Variants in OR1K1 observed in about 807,000 individuals in gnomAD.
The protein encoded by OR1K1 is olfactory receptor family 1 subfamily K member 1.
For synonymous variants in OR1K1, 168 were observed against 178.2 expected (o/e 0.94, Z 0.46); for missense variants, 409 against 407.9 (o/e 1.00, Z -0.02).
rs975158103 is a variant in OR1K1, at chr9:122,800,767, C to G, written c.645C>G (p.Ile215Met). ...AAVVVTPFLL[I>M]LASYGAIAAA... ...TGGTGGTCACTCCCTTCCTGCTCAT[C>G]CTCGCCTCCTATGGGGCCATCGCAG... Residue 215 changes from isoleucine to methionine, a missense_variant, in exon 1 of 1, where the codon ATC becomes ATG. Coordinates refer to ENST00000277309, the MANE Select transcript of OR1K1 (RefSeq NM_080859.1). The G allele has an allele frequency of 2.5e-6, 4 of 1,613,896 alleles. No homozygotes were observed. The African/African-American group carries it at 4.0e-5, about 16-fold the overall frequency.
Position 122,800,321 on chromosome 9 carries a change from C to G in OR1K1, c.199C>G (p.Leu67Val). 2 of 1,614,206 alleles carry G rather than the reference C, an allele frequency of 1.2e-6. No individual in the cohort carries two copies. The highest frequency in any genetic ancestry group is 1.7e-6 in the Non-Finnish European group (2 of 1,180,020). ...ACCCATGTACTTCCTGCTGGCCCACCTGTCCTTTGCTGACCTCTGCTTCGC... is the reference window on the plus strand; with the variant it reads ...ACCCATGTACTTCCTGCTGGCCCACGTGTCCTTTGCTGACCTCTGCTTCGC... ...HAPMYFLLAH[L>V]SFADLCFASV... Residue 67 changes from leucine to valine, a missense_variant, in exon 1 of 1, where the codon CTG (leucine) becomes GTG (valine). Coordinates refer to ENST00000277309, the MANE Select transcript of OR1K1 (RefSeq NM_080859.1).
rs775746241 is a variant in OR1K1, at chr9:122,800,404, G to A, written c.282G>A (p.Ser94=). The part of the protein sequence containing the change: ...ANLLAHDHSI[S]LAGCLTQMYF... Reference sequence around the variant, plus strand: ...TGTTGGCCCATGACCACTCCATCTCGCTGGCTGGCTGCCTGACCCAAATGT... The same window carrying A: ...TGTTGGCCCATGACCACTCCATCTCACTGGCTGGCTGCCTGACCCAAATGT... Residue 94 remains serine, a synonymous_variant, in exon 1 of 1, where the codon TCG becomes TCA. Transcript: ENST00000277309. 12 of 1,613,534 alleles carry A rather than the reference G, an allele frequency of 7.4e-6. No homozygotes were observed. The highest frequency in any genetic ancestry group is 3.3e-5 in the Admixed American group (2 of 60,002).
Position 122,800,756 on chromosome 9 carries a change from T to C in OR1K1, c.634T>C (p.Phe212Leu), listed in dbSNP as rs377064051. The change falls in exon 1 of 1, where the codon TTC (phenylalanine) becomes CTC (leucine). Residue 212 changes from phenylalanine (F) to leucine (L), a missense_variant. Coordinates refer to ENST00000277309, the MANE Select transcript of OR1K1 (RefSeq NM_080859.1). ...TEGAAVVVTP[F>L]LLILASYGAI... is the part of the protein sequence containing the mutation. ...GGGCGCCGCAGTGGTGGTCACTCCC[T>C]TCCTGCTCATCCTCGCCTCCTATGG... The C allele has an allele frequency of 6.2e-7, 1 of 1,613,960 alleles. No homozygotes were observed. Among genetic ancestry groups the C allele is most frequent in the African/African-American group, 1.3e-5 (1 of 74,940 alleles).
rs755294878 is a variant in OR1K1, at chr9:122,800,555, C to G, written c.433C>G (p.Leu145Val). ...TRMSRAMCAA[L>V]VGMAWLVSHV... ...GATGTCCCGGGCCATGTGCGCAGCC[C>G]TGGTGGGAATGGCATGGCTGGTGTC... is the stretch of plus-strand genomic sequence containing the variant. Residue 145 changes from leucine to valine, a missense_variant, in exon 1 of 1, where the codon CTG becomes GTG. Physicochemically the swap from Leu to Val is conservative, Grantham distance 32. Transcript: ENST00000277309. The G allele has an allele frequency of 3.1e-6, 5 of 1,613,338 alleles. No homozygotes were observed. The East Asian group carries it at 6.7e-5, about 22-fold the overall frequency.
chr9:122,800,629 C>A lies in OR1K1; in HGVS notation c.507C>A (p.Phe169Leu). ...LYILLMARLS[F>L]CASHQVPHFF... ...TCCTGCTCATGGCTCGCTTGTCCTT[C>A]TGTGCTTCCCACCAAGTGCCCCACT... The change falls in exon 1 of 1, where the codon TTC becomes TTA. Residue 169 changes from phenylalanine to leucine, a missense_variant. By Grantham distance (22) the Phe-to-Leu change is conservative. Transcript: ENST00000277309. 1 of 1,614,042 alleles carries A rather than the reference C, an allele frequency of 6.2e-7. No individual in the cohort carries two copies. Among genetic ancestry groups the A allele is most frequent in the Non-Finnish European group, 8.5e-7 (1 of 1,180,040 alleles).
In OR1K1 at chr9:122,800,688, C is replaced by T. The variant is rs1191466443; in HGVS notation, c.566C>T (p.Ser189Leu). 10 of 1,614,150 alleles carry T rather than the reference C, an allele frequency of 6.2e-6. No individual in the cohort carries two copies. The highest frequency in any genetic ancestry group is 7.6e-6 in the Non-Finnish European group (9 of 1,180,044). Residue 189 changes from serine (S) to leucine (L), a missense_variant, in exon 1 of 1, where the codon TCG becomes TTG. Coordinates refer to ENST00000277309, the MANE Select transcript of OR1K1 (RefSeq NM_080859.1). ...FCDHQPLLRL[S>L]CSDTHHIQLL... is the part of the protein sequence containing the mutation. ...GACCACCAGCCTCTCTTAAGGCTCT[C>T]GTGCTCTGACACCCACCACATCCAG... is the stretch of plus-strand genomic sequence containing the variant.
rs748979398 is a variant in OR1K1 at position 122,800,182 on chromosome 9, A to G, written c.60A>G (p.Thr20=). The change falls in exon 1 of 1, where the codon ACA becomes ACG. Residue 20 remains threonine, a synonymous_variant. Coordinates refer to ENST00000277309, the MANE Select transcript of OR1K1 (RefSeq NM_080859.1). The part of the protein sequence containing the change: ...GISFVLLGLT[T]SPGQQRPLFV... ...CATTCGTTTTATTGGGACTGACAACAAGTCCTGGACAGCAGCGGCCTCTCT... is the reference window on the plus strand; with the variant it reads ...CATTCGTTTTATTGGGACTGACAACGAGTCCTGGACAGCAGCGGCCTCTCT... 5 of 1,614,064 alleles carry G rather than the reference A, an allele frequency of 3.1e-6. 1 individual carries two copies. The Admixed American group carries it at 8.3e-5, about 27-fold the overall frequency.
At position 122,800,845 on chromosome 9, in the gene OR1K1, C is replaced by T. The variant is rs369944148; in HGVS notation, c.723C>T (p.Thr241=). 1 of 1,613,674 alleles carries T rather than the reference C, an allele frequency of 6.2e-7. No homozygotes were observed. Among genetic ancestry groups the T allele is most frequent in the Non-Finnish European group, 8.5e-7 (1 of 1,179,880 alleles). The part of the protein sequence containing the change: ...SASGRLRAVS[T]CGSHLAVVSL... ...CTGGGAGGCTCCGGGCTGTGTCCAC[C>T]TGTGGCTCCCACCTGGCTGTGGTGA... Residue 241 remains threonine, a synonymous_variant, in exon 1 of 1, where the codon ACC becomes ACT. Coordinates refer to ENST00000277309, the MANE Select transcript of OR1K1 (RefSeq NM_080859.1).
In OR1K1 at chr9:122,800,268, C is replaced by T. The variant is rs778583346; in HGVS notation, c.146C>T (p.Ala49Val). Reference protein sequence around the residue: ...SLLGNGLIVAAIQASPALHAP... With the variant: ...SLLGNGLIVAVIQASPALHAP... ...CTGGGTAATGGACTCATTGTGGCTG[C>T]CATCCAGGCCAGTCCAGCCCTTCAT... The change falls in exon 1 of 1, where the codon GCC (alanine) becomes GTC (valine). Residue 49 changes from alanine to valine, a missense_variant. Transcript: ENST00000277309. 5 of 1,614,098 alleles carry T rather than the reference C, an allele frequency of 3.1e-6. No homozygotes were observed. Among genetic ancestry groups the T allele is most frequent in the Non-Finnish European group, 3.4e-6 (4 of 1,180,002 alleles).
At position 122,800,611 on chromosome 9, in the gene OR1K1, C is replaced by A. The variant is rs1277911586; in HGVS notation, c.489C>A (p.Leu163=). Reference sequence around the variant, plus strand: ...TCCACTCCCTCCTGTATATCCTGCTCATGGCTCGCTTGTCCTTCTGTGCTT... The same window carrying A: ...TCCACTCCCTCCTGTATATCCTGCTAATGGCTCGCTTGTCCTTCTGTGCTT... ...SHVHSLLYIL[L]MARLSFCASH... is the part of the protein sequence containing the mutation. The change falls in exon 1 of 1, where the codon CTC becomes CTA. Residue 163 remains leucine (L), a synonymous_variant. Transcript: ENST00000277309. 1 of 1,613,884 alleles carries A rather than the reference C, an allele frequency of 6.2e-7. No individual in the cohort carries two copies. Among genetic ancestry groups the A allele is most frequent in the East Asian group, 2.2e-5 (1 of 44,888 alleles).
Position 122,800,245 on chromosome 9 carries a change from G to A in OR1K1, c.123G>A (p.Leu41=). 6.2e-7 allele frequency: 1 copy of A among 1,614,166 alleles called. No homozygotes were observed. The highest frequency in any genetic ancestry group is 8.5e-7 in the Non-Finnish European group (1 of 1,180,010). Residue 41 remains leucine (L), a synonymous_variant, in exon 1 of 1, where the codon CTG becomes CTA. Transcript: ENST00000277309. ...TGCTCTTGTATGTGGCCAGCCTCCT[G>A]GGTAATGGACTCATTGTGGCTGCCA... The part of the protein sequence containing the change: ...LFLLLYVASL[L]GNGLIVAAIQ...
In OR1K1 at chr9:122,801,053, A is replaced by G. The variant is rs1829361136; in HGVS notation, c.931A>G (p.Ile311Val). Residue 311 changes from isoleucine to valine, a missense_variant, in exon 1 of 1, where the codon ATC becomes GTC. Ile to Val is a conservative substitution (Grantham distance 29). Transcript: ENST00000277309. ...CCGAGCCCTTCTCATTGGGCGAAGG[A>G]TCTCAGCTAGTGACTCCTGAGGGCA... ...ALRALLIGRR[I>V]SASDS The G allele has an allele frequency of 6.2e-7, 1 of 1,608,046 alleles. No homozygotes were observed. Among genetic ancestry groups the G allele is most frequent in the Non-Finnish European group, 8.5e-7 (1 of 1,177,530 alleles).
At position 122,800,631 on chromosome 9, in the gene OR1K1, G is replaced by A; in HGVS notation, c.509G>A (p.Cys170Tyr). 6.2e-7 allele frequency: 1 copy of A among 1,613,910 alleles called. No homozygotes were observed. Among genetic ancestry groups the A allele is most frequent in the Non-Finnish European group, 8.5e-7 (1 of 1,180,032 alleles). ...YILLMARLSF[C>Y]ASHQVPHFFC... ...CTGCTCATGGCTCGCTTGTCCTTCT[G>A]TGCTTCCCACCAAGTGCCCCACTTC... Residue 170 changes from cysteine to tyrosine, a missense_variant, in exon 1 of 1, where the codon TGT (cysteine) becomes TAT (tyrosine). Cys to Tyr is a radical substitution (Grantham distance 194). Transcript: ENST00000277309.
Position 122,800,211 on chromosome 9 carries a change from T to G in OR1K1, c.89T>G (p.Val30Gly), listed in dbSNP as rs1460594609. ...TSPGQQRPLF[V>G]LFLLLYVASL... Reference sequence around the variant, plus strand: ...CCTGGACAGCAGCGGCCTCTCTTTGTGCTGTTCTTGCTCTTGTATGTGGCC... The same window carrying G: ...CCTGGACAGCAGCGGCCTCTCTTTGGGCTGTTCTTGCTCTTGTATGTGGCC... The change falls in exon 1 of 1, where the codon GTG becomes GGG. Residue 30 changes from valine to glycine, a missense_variant. By Grantham distance (109) the Val-to-Gly change is moderately radical. Transcript: ENST00000277309. The G allele has an allele frequency of 6.2e-7, 1 of 1,614,096 alleles. No homozygotes were observed. Among genetic ancestry groups the G allele is most frequent in the African/African-American group, 1.3e-5 (1 of 74,950 alleles).
In OR1K1 at chr9:122,800,288, C is replaced by G. The variant is rs779484334; in HGVS notation, c.166C>G (p.Leu56Val). The part of the protein sequence containing the change: ...IVAAIQASPA[L>V]HAPMYFLLAH... ...GGCTGCCATCCAGGCCAGTCCAGCC[C>G]TTCATGCACCCATGTACTTCCTGCT... The change falls in exon 1 of 1, where the codon CTT becomes GTT. Residue 56 changes from leucine (L) to valine (V), a missense_variant. By Grantham distance (32) the Leu-to-Val change is conservative. Transcript: ENST00000277309. 1 of 1,614,234 alleles carries G rather than the reference C, an allele frequency of 6.2e-7. No individual in the cohort carries two copies. Among genetic ancestry groups the G allele is most frequent in the Non-Finnish European group, 8.5e-7 (1 of 1,180,042 alleles).
Position 122,800,976 on chromosome 9 carries a change from T to C in OR1K1, c.854T>C (p.Met285Thr). The C allele has an allele frequency of 6.2e-7, 1 of 1,614,182 alleles. No individual in the cohort carries two copies. Among genetic ancestry groups the C allele is most frequent in the Non-Finnish European group, 8.5e-7 (1 of 1,180,034 alleles). The change falls in exon 1 of 1, where the codon ATG (methionine) becomes ACG (threonine). Residue 285 changes from methionine to threonine, a missense_variant. Met to Thr is a moderately conservative substitution (Grantham distance 81, BLOSUM62 -1). Coordinates refer to ENST00000277309, the MANE Select transcript of OR1K1 (RefSeq NM_080859.1). ...GTCATGTACACTGTAGTCACCCCCA[T>C]GCTGAACCCCATCATCTACAGCCTC... ...ATVMYTVVTP[M>T]LNPIIYSLWN...
chr9:122,800,594 C>T lies in OR1K1; in HGVS notation c.472C>T (p.Leu158Phe), dbSNP rs902044459. Reference protein sequence around the residue: ...MAWLVSHVHSLLYILLMARLS... With the variant: ...MAWLVSHVHSFLYILLMARLS... Reference sequence around the variant, plus strand: ...ATGGCTGGTGTCCCACGTCCACTCCCTCCTGTATATCCTGCTCATGGCTCG... The same window carrying T: ...ATGGCTGGTGTCCCACGTCCACTCCTTCCTGTATATCCTGCTCATGGCTCG... The change falls in exon 1 of 1, where the codon CTC (leucine) becomes TTC (phenylalanine). Residue 158 changes from leucine (L) to phenylalanine (F), a missense_variant. By Grantham distance (22) the Leu-to-Phe change is conservative (BLOSUM62 0). Coordinates refer to ENST00000277309, the MANE Select transcript of OR1K1 (RefSeq NM_080859.1). 2 of 1,613,898 alleles carry T rather than the reference C, an allele frequency of 1.2e-6. No homozygotes were observed. The highest frequency in any genetic ancestry group is 2.2e-5 in the East Asian group (1 of 44,874).
Position 122,801,008 on chromosome 9 carries a change from C to T in OR1K1, c.886C>T (p.Arg296Cys), listed in dbSNP as rs767407973. The change falls in exon 1 of 1, where the codon CGC becomes TGC. Residue 296 changes from arginine (R) to cysteine (C), a missense_variant. Arg to Cys is a radical substitution (Grantham distance 180). Coordinates refer to ENST00000277309, the MANE Select transcript of OR1K1 (RefSeq NM_080859.1). ...CCCCATCATCTACAGCCTCTGGAAT[C>T]GCGATGTACAGGGGGCACTCCGAGC... ...LNPIIYSLWN[R>C]DVQGALRALL... 15 of 1,613,994 alleles carry T rather than the reference C, an allele frequency of 9.3e-6. No individual in the cohort carries two copies. The highest frequency in any genetic ancestry group is 1.6e-4 in the Middle Eastern group (1 of 6,062).
Position 122,800,537 on chromosome 9 carries a change from C to T in OR1K1, c.415C>T (p.Arg139Trp), listed in dbSNP as rs763886857. The T allele has an allele frequency of 5.9e-5, 95 of 1,612,612 alleles. No individual in the cohort carries two copies. Among genetic ancestry groups the T allele is most frequent in the South Asian group, 3.7e-4 (34 of 91,086 alleles). The part of the protein sequence containing the change: ...HPLPYATRMS[R>W]AMCAALVGMA... Reference sequence around the variant, plus strand: ...CCTCCCCTATGCCACGAGGATGTCCCGGGCCATGTGCGCAGCCCTGGTGGG... The same window carrying T: ...CCTCCCCTATGCCACGAGGATGTCCTGGGCCATGTGCGCAGCCCTGGTGGG... The change falls in exon 1 of 1, where the codon CGG becomes TGG. Residue 139 changes from arginine (R) to tryptophan (W), a missense_variant. Physicochemically the swap from Arg to Trp is moderately radical, Grantham distance 101 (BLOSUM62 -3). Coordinates refer to ENST00000277309, the MANE Select transcript of OR1K1 (RefSeq NM_080859.1).
Sources: allele counts gnomAD v4.1 joint callset, GRCh38; gene constraint gnomAD v4.1.1; transcripts MANE v1.5; gene names NCBI Gene and HGNC (gene_info 2026-07-23, HGNC 2026-07-21).